KAZN: variants seen among roughly 807,000 people sequenced by gnomAD.
KAZN encodes the protein kazrin.
Under a neutral mutation model 87.4 loss-of-function variants are expected in KAZN, and 40 were observed. The observed-to-expected ratio is 0.46, with a 90% CI of 0.36 to 0.60. The LOEUF (loss-of-function observed/expected upper bound fraction) is 0.60. Ranked by LOEUF, KAZN falls within the 20% of genes least tolerant of loss-of-function variation. The pLI, the probability that KAZN is intolerant of heterozygous loss-of-function variation, is 0.00. For missense variants in KAZN, 898 were observed against 1,073.9 expected (o/e 0.84, Z 2.29); for synonymous variants, 466 against 458.3 (o/e 1.02, Z -0.22).
chr1:14,608,045 G>T (rs1180208461), intron 1 of KAZN, among the ~76,000 whole-genome samples: 1 of 152,228 alleles, frequency 6.6e-6, no homozygotes, highest in Non-Finnish European at 1.5e-5. Context: ...GCTCTGGAAA[G>T]TAGTCCACTA....
At chr1:14,358,891 A>T (rs566775086) in intron 2 of KAZN, among the ~76,000 whole-genome samples, 1 of 152,150 alleles carries the variant, frequency 6.6e-6, no homozygotes, top group African/African-American at 2.4e-5. Context: ...TGAGAAAAAA[A>T]TGTAGATTCT....
chr1:14,888,354 G>A (rs535576150), intron 1 of KAZN, among the ~76,000 whole-genome samples: 4 of 152,150 alleles, frequency 2.6e-5, no homozygotes, highest in Non-Finnish European at 5.9e-5. Context: ...GTCGTCTTGT[G>A]CACTGGAGTC....
intron 2 of KAZN, among the ~76,000 whole-genome samples, chr1:14,527,514 A>G (rs1056303636): frequency 6.9e-6 from 1 of 145,306 alleles, no homozygotes; most frequent in Non-Finnish European, 1.5e-5. Flanking sequence ...ATGCCATTGC[A>G]CTCCAGCCTG....
chr1:14,381,865 A>G (rs982823605), intron 2 of KAZN, among the ~76,000 whole-genome samples: 15 of 152,210 alleles, frequency 9.9e-5, no homozygotes, highest in African/African-American at 3.4e-4. Flanking sequence ...AGAGCATCCA[A>G]ATTGGAAAGG....
intron 1 of KAZN, among the ~76,000 whole-genome samples, chr1:13,898,568 T>C (rs1192012109): frequency 6.6e-6 from 1 of 152,182 alleles, no homozygotes; most frequent in Non-Finnish European, 1.5e-5. Context: ...GCCCAGCTCG[T>C]GGAGGGTGGA....
intron 1 of KAZN, among the ~76,000 whole-genome samples, chr1:14,681,366 T>C (rs373627377): frequency 6.6e-6 from 1 of 152,016 alleles, no homozygotes; most frequent in Admixed American, 6.6e-5. Context: ...ACATATGTTT[T>C]CATTTCTCCT....
At chr1:14,425,171 G>A (rs6687519) in intron 2 of KAZN, among the ~76,000 whole-genome samples, 10,876 of 152,206 alleles carry the variant, frequency 0.071, 606 homozygotes, top group South Asian at 0.11. Flanking sequence ...CTGGGCAGGG[G>A]CTGGCCAAGG....
chr1:14,601,355 C>T lies in KAZN; in HGVS notation c.226+2132C>T, dbSNP rs566102133. Among the ~76,000 whole-genome samples the T allele has an allele frequency of 3.7e-4, 57 of 152,116 alleles. 1 individual carries two copies. Among genetic ancestry groups the T allele is most frequent in the Admixed American group, 2.1e-3 (32 of 15,286 alleles). On this transcript the variant is annotated intron_variant, in intron 1 of 14. Transcript: ENST00000376030. ...GATGGTTGAAAAGAAAACAAGCCCC[C>T]GTATAAGTTCAGTGGGGTATCATTT...
chr1:14,130,334 G>A (rs1644966228), intron 1 of KAZN, among the ~76,000 whole-genome samples: 1 of 152,154 alleles, frequency 6.6e-6, no homozygotes, highest in Admixed American at 6.5e-5. Flanking sequence ...AACCATGCCA[G>A]GCAGCTCCTT....
chr1:14,778,322 G>T (rs1310615286), intron 1 of KAZN, among the ~76,000 whole-genome samples: 1 of 151,382 alleles, frequency 6.6e-6, no homozygotes, highest in South Asian at 2.1e-4. Flanking sequence ...GCTGGTTGTT[G>T]TGTCAAAACC....
intron 1 of KAZN, among the ~76,000 whole-genome samples, chr1:14,091,514 A>G (rs1643992956): frequency 2.0e-5 from 3 of 152,196 alleles, no homozygotes; most frequent in African/African-American, 2.4e-5. Context: ...TCATGGTCAG[A>G]AGTAGAAGTC....
At chr1:14,157,603 G>C (rs1481283267) in intron 1 of KAZN, among the ~76,000 whole-genome samples, 1 of 152,120 alleles carries the variant, frequency 6.6e-6, no homozygotes, top group East Asian at 1.9e-4. Context: ...CAGAGGTATT[G>C]GGGCCCCATT....
intron 1 of KAZN, among the ~76,000 whole-genome samples, chr1:14,120,041 G>A (rs1370387036): frequency 1.3e-5 from 2 of 152,148 alleles, no homozygotes; most frequent in South Asian, 4.1e-4. Flanking sequence ...CAGATCATAA[G>A]GACGTGGTTT....
chr1:13,897,843 C>A (rs1366338661), intron 1 of KAZN, among the ~76,000 whole-genome samples: 1 of 152,196 alleles, frequency 6.6e-6, no homozygotes. Flanking sequence ...TGCTGTTGCC[C>A]ACCTTCCTCC....
At chr1:14,789,956 A>G (rs969479073) in intron 1 of KAZN, among the ~76,000 whole-genome samples, 6 of 151,846 alleles carry the variant, frequency 4.0e-5, no homozygotes, top group Admixed American at 2.6e-4. Flanking sequence ...ATGGTCTCCT[A>G]TAACTGAGTC....
chr1:14,698,027 GGCCAA>G (rs1472432153), intron 1 of KAZN, among the ~76,000 whole-genome samples: 2 of 152,160 alleles, frequency 1.3e-5, no homozygotes, highest in Non-Finnish European at 2.9e-5. Context: ...AGGCAAGATT[GGCCAA>G]GCCTTGGCCA....
intron 1 of KAZN, among the ~76,000 whole-genome samples, chr1:14,057,519 A>T (rs143040221): frequency 6.6e-6 from 1 of 152,272 alleles, no homozygotes; most frequent in Non-Finnish European, 1.5e-5. Context: ...GCCTCACTTC[A>T]TATGTGGGCC....
chr1:14,933,264 T>C (rs1344334650), intron 1 of KAZN, among the ~76,000 whole-genome samples: 1 of 152,066 alleles, frequency 6.6e-6, no homozygotes, highest in Non-Finnish European at 1.5e-5. Flanking sequence ...GCTAATTTTT[T>C]GGATTTTTAG....
chr1:14,541,286 A>G (rs905619433), intron 2 of KAZN, among the ~76,000 whole-genome samples: 1 of 152,188 alleles, frequency 6.6e-6, no homozygotes, highest in Non-Finnish European at 1.5e-5. Flanking sequence ...CAAAATAGAT[A>G]CCCAATGTAA....
Sources: allele counts gnomAD v4.1 joint callset (sites outside exome capture counted in the v4.1 genomes callset), GRCh38; gene constraint gnomAD v4.1.1; transcripts MANE v1.5; gene names NCBI Gene and HGNC (gene_info 2026-07-23, HGNC 2026-07-21).